The following ZFPM1 variants were observed in gnomAD, a reference collection of about 807,000 sequenced individuals.
ZFPM1 encodes zinc finger protein ZFPM1.
In ZFPM1, 28 loss-of-function variants were observed where a neutral mutation model predicts 46.3. The observed-to-expected ratio is 0.60, with a 90% CI of 0.45 to 0.83. The LOEUF (loss-of-function observed/expected upper bound fraction) is 0.83. ZFPM1 is among the 40% of genes least tolerant of loss of function. ZFPM1 has a pLI of 0.00. For synonymous variants in ZFPM1, 957 were observed against 675.9 expected, an observed-to-expected ratio of 1.42 and a Z score of -6.45; for missense variants, 1,878 against 1,432.4, an observed-to-expected ratio of 1.31 and a Z score of -5.02.
intron 1 of ZFPM1, among the ~76,000 whole-genome samples, chr16:88,454,857 G>A (rs1907466699): frequency 6.6e-6 from 1 of 152,184 alleles, no homozygotes; most frequent in African/African-American, 2.4e-5. Flanking sequence ...TAGGCGCCCG[G>A]GCACTACCTC....
chr16:88,478,196 G>A (rs896629533), intron 1 of ZFPM1, among the ~76,000 whole-genome samples: 10 of 152,194 alleles, frequency 6.6e-5, no homozygotes, highest in Non-Finnish European at 1.0e-4. Context: ...CTCAGGCCAC[G>A]TCCCCAGCCT....
At chr16:88,496,009 G>A (rs71394101) in intron 3 of ZFPM1, among the ~76,000 whole-genome samples, 2,430 of 152,260 alleles carry the variant, frequency 0.016, 28 homozygotes, top group Middle Eastern at 0.02. Flanking sequence ...TGACTCCTGC[G>A]GCTCTCACCT....
In ZFPM1 at chr16:88,523,702, G is replaced by A. The variant is rs189397176; in HGVS notation, c.403-3112G>A. On this transcript the variant is annotated intron_variant, in intron 4 of 9. Coordinates refer to ENST00000319555, the MANE Select transcript of ZFPM1 (RefSeq NM_153813.3). ...AGCCTGTGGTCGCAGAAGTAGGAGC[G>A]GCAGGCCCCTCTGAGAGTGTTTGGC... Among the ~76,000 whole-genome samples the A allele has an allele frequency of 8.5e-5, 13 of 152,314 alleles. No homozygotes were observed. The East Asian group carries it at 9.6e-4, about 11-fold the overall frequency.
intron 1 of ZFPM1, among the ~76,000 whole-genome samples, chr16:88,472,322 G>T (rs984366832): frequency 1.7e-4 from 26 of 152,172 alleles, no homozygotes; most frequent in African/African-American, 6.0e-4. Flanking sequence ...GCACAGAGAG[G>T]GTGGCATTTC....
At chr16:88,496,848 GGGAGGTCTGAGTT>G (rs1909959052) in intron 3 of ZFPM1, among the ~76,000 whole-genome samples, 1 of 152,186 alleles carries the variant, frequency 6.6e-6, no homozygotes, top group Non-Finnish European at 1.5e-5. Context: ...AGTCCTGCAG[GGGAGGTCTGAGTT>G]GGATCCCACT....
intron 1 of ZFPM1, among the ~76,000 whole-genome samples, chr16:88,470,313 GT>G: frequency 6.6e-6 from 1 of 152,318 alleles, no homozygotes; most frequent in South Asian, 2.1e-4. Context: ...GCCCACGGGT[GT>G]CCCCTGTACT....
intron 1 of ZFPM1, among the ~76,000 whole-genome samples, chr16:88,460,978 G>C (rs796444958): frequency 0.027 from 782 of 29,226 alleles, 188 homozygotes; most frequent in African/African-American, 0.069. Flanking sequence ...GGTGAGGACC[G>C]AGGGGAGGGG....
At position 88,471,353 on chromosome 16, in the gene ZFPM1, C is replaced by T. The variant is rs1282071718; in HGVS notation, c.41-14586C>T. 6.6e-6 allele frequency among the ~76,000 whole-genome samples: 1 copy of T among 152,220 alleles called. No individual in the cohort carries two copies. Among genetic ancestry groups the T allele is most frequent in the African/African-American group, 2.4e-5 (1 of 41,448 alleles). ...GGCTCTGAGATGACTGTGTCCGTGGCGGCTCCCGCTCACAGTTCAGGACCC... is the reference window on the plus strand; with the variant it reads ...GGCTCTGAGATGACTGTGTCCGTGGTGGCTCCCGCTCACAGTTCAGGACCC... On this transcript the variant is annotated intron_variant, in intron 1 of 9. Coordinates refer to ENST00000319555, the MANE Select transcript of ZFPM1 (RefSeq NM_153813.3). The surrounding 1 kb of genome is among the most constrained non-coding windows in gnomAD (Gnocchi z 4.1).
In ZFPM1 at chr16:88,470,002, A is replaced by C. The variant is rs185037822; in HGVS notation, c.41-15937A>C. Reference sequence around the variant, plus strand: ...TCTCCCAGGACAGCTTGGGGCATACAGTAGGTGCTCCATAAATACTCCCCA... The same window carrying C: ...TCTCCCAGGACAGCTTGGGGCATACCGTAGGTGCTCCATAAATACTCCCCA... On this transcript the variant is annotated intron_variant, in intron 1 of 9. Transcript: ENST00000319555. Among the ~76,000 whole-genome samples the C allele has an allele frequency of 1.7e-4, 26 of 152,230 alleles. No individual in the cohort carries two copies. In the East Asian group the frequency reaches 5.0e-3, roughly 30 times the overall value.
At chr16:88,505,431 A>G (rs1406542699) in intron 3 of ZFPM1, among the ~76,000 whole-genome samples, 2 of 152,212 alleles carry the variant, frequency 1.3e-5, no homozygotes, top group East Asian at 3.8e-4. Flanking sequence ...CAGCCGTTCA[A>G]CAGCCGGCCC....
At chr16:88,473,853 G>A (rs1395269852) in intron 1 of ZFPM1, among the ~76,000 whole-genome samples, 3 of 152,098 alleles carry the variant, frequency 2.0e-5, no homozygotes, top group Admixed American at 6.5e-5. Flanking sequence ...TGCCCGCCAC[G>A]GCCCCACGCG....
intron 3 of ZFPM1, among the ~76,000 whole-genome samples, chr16:88,498,511 A>G (rs1248508321): frequency 6.6e-6 from 1 of 152,244 alleles, no homozygotes; most frequent in Admixed American, 6.5e-5. Flanking sequence ...TCAGGCCAGC[A>G]TAGCCCAGGC....
intron 1 of ZFPM1, among the ~76,000 whole-genome samples, chr16:88,482,554 G>A (rs1225632157): frequency 6.6e-6 from 1 of 152,160 alleles, no homozygotes; most frequent in East Asian, 1.9e-4. Context: ...CTCCCTGGGT[G>A]TCTGAGGCCC....
intron 3 of ZFPM1, among the ~76,000 whole-genome samples, chr16:88,502,308 C>A (rs984245963): frequency 6.6e-6 from 1 of 151,984 alleles, no homozygotes; most frequent in African/African-American, 2.4e-5. Context: ...GGGTTTATTG[C>A]GTCTCGTGAG....
chr16:88,452,216 C>T (rs1029641037), upstream of ZFPM1, among the ~76,000 whole-genome samples: 1 of 152,196 alleles, frequency 6.6e-6, no homozygotes, highest in Non-Finnish European at 1.5e-5. Context: ...GGGACAGCCC[C>T]CCAATGCGTG....
Position 88,533,300 on chromosome 16 carries a change from C to CA in ZFPM1, c.1343dup (p.Asn449GlufsTer223), listed in dbSNP as rs1555529255. 2 of 810,232 alleles carry CA rather than the reference C, an allele frequency of 2.5e-6. No individual in the cohort carries two copies. Among genetic ancestry groups the CA allele is most frequent in the Non-Finnish European group, 3.8e-6 (2 of 524,924 alleles). 50.2% of individuals were successfully genotyped at this position (810,232 alleles called of 1,614,324 possible). On this transcript the variant is annotated frameshift_variant, in exon 10 of 10. Coordinates refer to ENST00000319555, the MANE Select transcript of ZFPM1 (RefSeq NM_153813.3). LOFTEE classifies it low-confidence loss of function (END_TRUNC). ...AGAGGCCAGAGCGGAGCCTCTGGCCCAGAATGGAGGCAGCAGCGAGCCCCC... is the reference window on the plus strand; with the variant it reads ...AGAGGCCAGAGCGGAGCCTCTGGCCCAAGAATGGAGGCAGCAGCGAGCCCCC...
Position 88,532,628 on chromosome 16 carries a change from G to C in ZFPM1, c.961G>C (p.Val321Leu), listed in dbSNP as rs772397269. The C allele has an allele frequency of 1.3e-6, 2 of 1,574,870 alleles. No individual in the cohort carries two copies. The highest frequency in any genetic ancestry group is 2.3e-5 in the South Asian group (2 of 87,150). Residue 321 changes from valine to leucine, a missense_variant, in exon 8 of 10, where the codon GTG becomes CTG. By Grantham distance (32) the Val-to-Leu change is conservative. Coordinates refer to ENST00000319555, the MANE Select transcript of ZFPM1 (RefSeq NM_153813.3). Reference sequence around the variant, plus strand: ...CTGTGTTCCAGGAGAGCGGCCCTTCGTGTGCCTGATCTGCCTGTCGGCCTT... The same window carrying C: ...CTGTGTTCCAGGAGAGCGGCCCTTCCTGTGCCTGATCTGCCTGTCGGCCTT... ...MRSHSGERPF[V>L]CLICLSAFTT...
At chr16:88,490,315 G>T (rs1909490805) in intron 3 of ZFPM1, among the ~76,000 whole-genome samples, 1 of 152,204 alleles carries the variant, frequency 6.6e-6, no homozygotes, top group Non-Finnish European at 1.5e-5. Flanking sequence ...GCCTCCCAAA[G>T]TGCTGGGATT....
At chr16:88,472,861 C>T (rs1908489556) in intron 1 of ZFPM1, among the ~76,000 whole-genome samples, 1 of 152,260 alleles carries the variant, frequency 6.6e-6, no homozygotes. Context: ...GGCTCCGCCT[C>T]TGTGGGTTGG....
Sources: gnomAD v4.1 joint callset for allele counts (sites outside exome capture counted in the v4.1 genomes callset) on GRCh38, gnomAD v4.1.1 for gene constraint, Gnocchi (gnomAD v3.1) non-coding constraint, MANE v1.5 for transcripts, NCBI Gene and HGNC (gene_info 2026-07-23, HGNC 2026-07-21) for gene names.